IGFBP7: variants seen among roughly 807,000 people sequenced by gnomAD.
IGFBP7 encodes the protein insulin like growth factor binding protein 7, also known as insulin-like growth factor-binding protein 7.
Under a neutral mutation model 29.4 loss-of-function variants are expected in IGFBP7, and 31 were observed. The ratio of observed to expected loss-of-function variants is 1.05; its 90% CI spans 0.79 to 1.42. The LOEUF (loss-of-function observed/expected upper bound fraction) is 1.42. Ranked by LOEUF, IGFBP7 falls within the 40% of genes most tolerant of loss-of-function variation. The pLI is 0.00. For missense variants in IGFBP7, 393 were observed against 395.5 expected, an observed-to-expected ratio of 0.99 and a Z score of 0.05; for synonymous variants, 172 against 174.9, an observed-to-expected ratio of 0.98 and a Z score of 0.13.
chr4:57,047,310 C>A (rs982185518), intron 1 of IGFBP7, among the ~76,000 whole-genome samples: 1 of 152,184 alleles, frequency 6.6e-6, no homozygotes, highest in Non-Finnish European at 1.5e-5. Context: ...TGACTTTGCT[C>A]CTCCTTCGCC....
At chr4:57,107,042 G>T (rs1316813363) in intron 1 of IGFBP7, among the ~76,000 whole-genome samples, 2 of 152,162 alleles carry the variant, frequency 1.3e-5, no homozygotes, top group African/African-American at 4.8e-5. Context: ...AGCAGACCAA[G>T]ATCTCTTCCC....
At chr4:57,055,697 C>T (rs1007535963) in intron 1 of IGFBP7, among the ~76,000 whole-genome samples, 9 of 152,094 alleles carry the variant, frequency 5.9e-5, no homozygotes, top group African/African-American at 2.2e-4. Context: ...TCATCTCCCA[C>T]CTGCACCCTG....
chr4:57,105,399 A>C (rs1398624140), intron 1 of IGFBP7, among the ~76,000 whole-genome samples: 1 of 152,216 alleles, frequency 6.6e-6, no homozygotes, highest in Non-Finnish European at 1.5e-5. Flanking sequence ...CATGTGTTTA[A>C]AGAACATACT....
At chr4:57,087,739 C>T (rs150222673) in intron 1 of IGFBP7, among the ~76,000 whole-genome samples, 2 of 152,326 alleles carry the variant, frequency 1.3e-5, no homozygotes, top group African/African-American at 2.4e-5. Context: ...TCTGTGACTT[C>T]GTTTATTTCC....
intron 1 of IGFBP7, among the ~76,000 whole-genome samples, chr4:57,071,310 A>G (rs1196030159): frequency 6.6e-6 from 1 of 152,220 alleles, no homozygotes; most frequent in African/African-American, 2.4e-5. Flanking sequence ...CATTGAATAT[A>G]CATACATCTC....
chr4:57,045,289 G>T (rs533887371), intron 1 of IGFBP7, among the ~76,000 whole-genome samples: 1 of 152,180 alleles, frequency 6.6e-6, no homozygotes, highest in South Asian at 2.1e-4. Flanking sequence ...TAGTGGAAGG[G>T]CAGAGGAGGG....
At chr4:57,074,457 T>TG (rs1725173272) in intron 1 of IGFBP7, among the ~76,000 whole-genome samples, 1 of 152,238 alleles carries the variant, frequency 6.6e-6, no homozygotes, top group Non-Finnish European at 1.5e-5. Flanking sequence ...AAGCTGCAAC[T>TG]GGCATCTGGC....
intron 1 of IGFBP7, among the ~76,000 whole-genome samples, chr4:57,082,676 A>C (rs1725399928): frequency 1.3e-5 from 2 of 152,224 alleles, no homozygotes; most frequent in Non-Finnish European, 2.9e-5. Flanking sequence ...ATATATAAAG[A>C]AGCAGCAAGT....
At chr4:57,091,557 A>G (rs986700857) in intron 1 of IGFBP7, among the ~76,000 whole-genome samples, 1 of 152,210 alleles carries the variant, frequency 6.6e-6, no homozygotes, top group Non-Finnish European at 1.5e-5. Flanking sequence ...TATTGTGAGG[A>G]TTAAAAAAGG....
chr4:57,094,299 CACAGAGCCAGGG>C (rs1725709534), intron 1 of IGFBP7, among the ~76,000 whole-genome samples: 1 of 152,158 alleles, frequency 6.6e-6, no homozygotes, highest in Admixed American at 6.5e-5. Context: ...GGGTGCACTC[CACAGAGCCAGGG>C]ACAGAGCCTA....
intron 1 of IGFBP7, among the ~76,000 whole-genome samples, chr4:57,060,894 G>A (rs1724781441): frequency 6.6e-6 from 1 of 151,922 alleles, no homozygotes; most frequent in South Asian, 2.1e-4. Context: ...TCTCCAGCCT[G>A]AGTGACGGGG....
chr4:57,103,233 C>T (rs1725940223), intron 1 of IGFBP7, among the ~76,000 whole-genome samples: 1 of 152,152 alleles, frequency 6.6e-6, no homozygotes, highest in Non-Finnish European at 1.5e-5. Flanking sequence ...CACCCCCTTC[C>T]AATCCATTCT....
intron 1 of IGFBP7, among the ~76,000 whole-genome samples, chr4:57,068,453 C>T (rs17087468): frequency 0.03 from 4,516 of 152,066 alleles, 218 homozygotes; most frequent in African/African-American, 0.1. Flanking sequence ...CAGTGACAAG[C>T]GATGACAATA....
intron 1 of IGFBP7, among the ~76,000 whole-genome samples, chr4:57,048,075 G>A (rs892900701): frequency 4.5e-4 from 64 of 141,102 alleles, no homozygotes; most frequent in Non-Finnish European, 3.2e-4. Context: ...TTTTTGAGAC[G>A]GAGTCTTGCT....
At chr4:57,037,998 A>G (rs1724124064) in intron 2 of IGFBP7, among the ~76,000 whole-genome samples, 2 of 152,230 alleles carry the variant, frequency 1.3e-5, no homozygotes, top group Non-Finnish European at 2.9e-5. Context: ...TCTTAAAAAC[A>G]TAACTGATCG....
At chr4:57,037,736 A>AAGGTC (rs1450394395) in intron 2 of IGFBP7, among the ~76,000 whole-genome samples, 3 of 152,286 alleles carry the variant, frequency 2.0e-5, no homozygotes, top group Admixed American at 1.3e-4. Flanking sequence ...ATTTGCCAAT[A>AAGGTC]AGGTCACATG....
intron 1 of IGFBP7, among the ~76,000 whole-genome samples, chr4:57,057,797 C>G (rs1418635639): frequency 1.3e-5 from 2 of 152,172 alleles, no homozygotes; most frequent in African/African-American, 2.4e-5. Flanking sequence ...TTCACAAACA[C>G]CAGCTGCTTG....
chr4:57,096,677 T>C (rs1725771086), intron 1 of IGFBP7, among the ~76,000 whole-genome samples: 1 of 152,222 alleles, frequency 6.6e-6, no homozygotes, highest in Non-Finnish European at 1.5e-5. Context: ...ATGGTGGATC[T>C]GAAAAGTTAT....
chr4:57,044,819 C>A (rs1241504514), intron 1 of IGFBP7, among the ~76,000 whole-genome samples: 4 of 152,176 alleles, frequency 2.6e-5, no homozygotes, highest in Admixed American at 2.0e-4. Flanking sequence ...CTGTTCCCCC[C>A]CAATCATCTT....
Sources: allele counts gnomAD v4.1 joint callset (sites outside exome capture counted in the v4.1 genomes callset), GRCh38; gene constraint gnomAD v4.1.1; transcripts MANE v1.5; gene names NCBI Gene and HGNC (gene_info 2026-07-23, HGNC 2026-07-21).